ZNF469: variants seen among roughly 807,000 people sequenced by gnomAD.
The protein encoded by ZNF469 is zinc finger protein 469.
In ZNF469, 1 loss-of-function variant was observed where a neutral mutation model predicts 1.0. That is an observed-to-expected ratio of 1.00 (90% confidence interval 0.35 to 4.73). The LOEUF is 4.73. Among genes scored for constraint, ZNF469 ranks in the 30% most tolerant of loss-of-function variants. ZNF469 has a pLI of 0.16. For synonymous variants in ZNF469, 2,703 were observed against 2,363.4 expected (o/e 1.14, Z -4.17); for missense variants, 6,100 against 5,356.3 (o/e 1.14, Z -4.33).
chr16:88,203,051 C>T, the ZNF469 span, among the ~76,000 whole-genome samples: 7 of 151,928 alleles, frequency 4.6e-5, no homozygotes, highest in East Asian at 3.9e-4. Flanking sequence ...GGAGCGGGGG[C>T]GGGGGCCGTG....
the ZNF469 span, among the ~76,000 whole-genome samples, chr16:88,122,167 C>T: frequency 6.8e-6 from 1 of 147,452 alleles, no homozygotes; most frequent in African/African-American, 2.5e-5. Context: ...TCGGTATGGC[C>T]ACGGCAACCA....
At chr16:88,251,086 C>T in the ZNF469 span, among the ~76,000 whole-genome samples, 4 of 152,328 alleles carry the variant, frequency 2.6e-5, no homozygotes, top group Non-Finnish European at 4.4e-5. Flanking sequence ...CCTTACTGGC[C>T]AGGCTGGTCT....
chr16:88,381,387 T>C (rs11861401), upstream of ZNF469, among the ~76,000 whole-genome samples: 56,585 of 119,836 alleles, frequency 0.47, 13,847 homozygotes, highest in African/African-American at 0.75. Context: ...GAGACATGCA[T>C]TCACACACAC....
the ZNF469 span, among the ~76,000 whole-genome samples, chr16:88,210,555 A>T: frequency 1.3e-5 from 2 of 152,328 alleles, no homozygotes; most frequent in Admixed American, 1.3e-4. Flanking sequence ...TGTATGGTTT[A>T]ATTTTTTACA....
the ZNF469 span, among the ~76,000 whole-genome samples, chr16:88,161,621 T>G: frequency 1.1e-3 from 174 of 152,336 alleles, no homozygotes; most frequent in Non-Finnish European, 1.9e-3. Flanking sequence ...ATGTGAGTGC[T>G]CTATAAATTT....
chr16:88,398,180 A>G (rs1904744082), intron 1 of ZNF469, among the ~76,000 whole-genome samples: 1 of 152,222 alleles, frequency 6.6e-6, no homozygotes, highest in Admixed American at 6.5e-5. Context: ...AGCTCTTTAG[A>G]GTGGCAGGTG....
At chr16:88,121,527 G>A in the ZNF469 span, among the ~76,000 whole-genome samples, 1,611 of 152,332 alleles carry the variant, frequency 0.011, 29 homozygotes, top group African/African-American at 0.035. Flanking sequence ...GGCCAGATGG[G>A]CCCTTGAAGT....
the ZNF469 span, among the ~76,000 whole-genome samples, chr16:88,215,061 A>G: frequency 6.6e-6 from 1 of 152,122 alleles, no homozygotes; most frequent in African/African-American, 2.4e-5. Context: ...CTTTAATTCC[A>G]TATTTTTATC....
the ZNF469 span, among the ~76,000 whole-genome samples, chr16:88,237,908 G>A: frequency 7.2e-5 from 11 of 152,198 alleles, no homozygotes; most frequent in Admixed American, 5.2e-4. Flanking sequence ...ATGTCATGGA[G>A]TTGGAATCAC....
the ZNF469 span, among the ~76,000 whole-genome samples, chr16:88,288,863 A>C: frequency 2.0e-5 from 3 of 152,324 alleles, no homozygotes; most frequent in South Asian, 2.1e-4. Context: ...AGAGAGAGAG[A>C]GAGCACTTGT....
At chr16:88,326,644 G>C in the ZNF469 span, among the ~76,000 whole-genome samples, 4 of 152,160 alleles carry the variant, frequency 2.6e-5, no homozygotes, top group Admixed American at 2.0e-4. Flanking sequence ...CAGAGTGCCT[G>C]ACGCAGGCAC....
the ZNF469 span, among the ~76,000 whole-genome samples, chr16:88,190,044 T>C: frequency 6.7e-6 from 1 of 148,316 alleles, no homozygotes; most frequent in Admixed American, 6.7e-5. Context: ...TCTACTTTTC[T>C]CTCTCTTGTT....
chr16:88,351,581 C>T, the ZNF469 span, among the ~76,000 whole-genome samples: 2 of 152,124 alleles, frequency 1.3e-5, no homozygotes, highest in African/African-American at 2.4e-5. Context: ...GTGTCCTCCG[C>T]GAAAGGACAA....
At chr16:88,310,574 T>A in the ZNF469 span, among the ~76,000 whole-genome samples, 11,617 of 151,698 alleles carry the variant, frequency 0.077, 695 homozygotes, top group East Asian at 0.16. Flanking sequence ...TTTTTTTTTT[T>A]TTATTAATTT....
At chr16:88,188,970 A>G in the ZNF469 span, among the ~76,000 whole-genome samples, 3 of 152,060 alleles carry the variant, frequency 2.0e-5, no homozygotes, top group African/African-American at 7.2e-5. Flanking sequence ...AGTAAGCCAA[A>G]TGTGGCCTCC....
chr16:88,374,853 C>G, the ZNF469 span, among the ~76,000 whole-genome samples: 1 of 152,304 alleles, frequency 6.6e-6, no homozygotes, highest in Middle Eastern at 3.4e-3. Context: ...TTGCTAGCAG[C>G]TTGGGCGGTG....
chr16:88,105,750 C>T, the ZNF469 span, among the ~76,000 whole-genome samples: 409 of 152,242 alleles, frequency 2.7e-3, 1 homozygote, highest in Non-Finnish European at 4.1e-3. Context: ...GGTGGGAGCT[C>T]GGTAGTTGAT....
chr16:88,401,909 G>GGAT (rs1567501792), intron 1 of ZNF469, among the ~76,000 whole-genome samples: 44 of 96,358 alleles, frequency 4.6e-4, no homozygotes, highest in East Asian at 2.5e-3. Flanking sequence ...GATGGATGGA[G>GGAT]GGATGGATGG....
chr16:88,157,380 C>A, the ZNF469 span, among the ~76,000 whole-genome samples: 1 of 152,240 alleles, frequency 6.6e-6, no homozygotes, highest in African/African-American at 2.4e-5. Context: ...AGCCTCTCTC[C>A]TACTCCAGGA....
Sources: gnomAD v4.1 joint callset for allele counts (sites outside exome capture counted in the v4.1 genomes callset) on GRCh38, gnomAD v4.1.1 for gene constraint, MANE v1.5 for transcripts, NCBI Gene and HGNC (gene_info 2026-07-23, HGNC 2026-07-21) for gene names.